The following ZMAT3 variants were observed in gnomAD, a reference collection of about 807,000 sequenced individuals.
ZMAT3 encodes the protein zinc finger matrin-type protein 3.
Under a neutral mutation model 32.3 loss-of-function variants are expected in ZMAT3, and 17 were observed. That is an observed-to-expected ratio of 0.53 (90% CI 0.36 to 0.79). The LOEUF (loss-of-function observed/expected upper bound fraction) is 0.79, where lower values mean the gene tolerates loss of function less well. Ranked by LOEUF, ZMAT3 falls within the 30% of genes least tolerant of loss-of-function variation. The pLI, the probability that ZMAT3 is intolerant of heterozygous loss-of-function variation, is 0.00. For missense variants in ZMAT3, 329 were observed against 359.7 expected (o/e 0.91, Z 0.69); for synonymous variants, 120 against 133.1 (o/e 0.90, Z 0.68).
intron 1 of ZMAT3, among the ~76,000 whole-genome samples, chr3:179,069,371 T>C (rs1198685380): frequency 6.6e-6 from 1 of 152,122 alleles, no homozygotes; most frequent in Non-Finnish European, 1.5e-5. Context: ...ACCCTGAGTG[T>C]CTCAAAATGA....
intron 2 of ZMAT3, among the ~76,000 whole-genome samples, chr3:179,043,366 C>T (rs1720057688): frequency 6.6e-6 from 1 of 152,076 alleles, no homozygotes; most frequent in Admixed American, 6.6e-5. Context: ...GGTACTGGTA[C>T]CAAAACAGAC....
At chr3:179,061,990 G>C (rs1721174112) in intron 2 of ZMAT3, among the ~76,000 whole-genome samples, 1 of 152,074 alleles carries the variant, frequency 6.6e-6, no homozygotes, top group Admixed American at 6.6e-5. Context: ...AAGGAGAAGA[G>C]AATGGAGAGG....
intron 2 of ZMAT3, among the ~76,000 whole-genome samples, chr3:179,038,673 T>C (rs1387897960): frequency 2.6e-5 from 4 of 152,234 alleles, no homozygotes; most frequent in African/African-American, 9.6e-5. Context: ...ATCCGCATTT[T>C]GAACTGAGGT....
At chr3:179,064,234 G>A (rs1407440205) in intron 2 of ZMAT3, among the ~76,000 whole-genome samples, 5 of 152,172 alleles carry the variant, frequency 3.3e-5, no homozygotes, top group African/African-American at 4.8e-5. Flanking sequence ...CAGGCTACCC[G>A]TGACCCATTT....
intron 2 of ZMAT3, among the ~76,000 whole-genome samples, chr3:179,047,938 G>T (rs4401404): frequency 0.61 from 92,886 of 151,808 alleles, 28,574 homozygotes; most frequent in East Asian, 0.8. Flanking sequence ...AATGGAAAAT[G>T]TTCAGTGAAA....
chr3:179,049,144 A>G (rs575636728), intron 2 of ZMAT3, among the ~76,000 whole-genome samples: 1 of 152,330 alleles, frequency 6.6e-6, no homozygotes, highest in African/African-American at 2.4e-5. Context: ...ATATATATGC[A>G]CCTAATACTG....
intron 2 of ZMAT3, among the ~76,000 whole-genome samples, chr3:179,032,465 C>T (rs1453236509): frequency 3.3e-5 from 5 of 151,484 alleles, no homozygotes; most frequent in African/African-American, 1.2e-4. Flanking sequence ...GGCCGCCCAT[C>T]GTCTGGGATG....
At chr3:179,063,876 T>C (rs926483902) in intron 2 of ZMAT3, among the ~76,000 whole-genome samples, 1 of 152,260 alleles carries the variant, frequency 6.6e-6, no homozygotes, top group Non-Finnish European at 1.5e-5. Context: ...AATGATGTTT[T>C]GAAGCCAACT....
chr3:179,062,175 G>A (rs768415154), intron 2 of ZMAT3, among the ~76,000 whole-genome samples: 1 of 152,140 alleles, frequency 6.6e-6, no homozygotes, highest in Non-Finnish European at 1.5e-5. Flanking sequence ...GATTTGGCCT[G>A]TAAGATCATG....
At position 179,024,886 on chromosome 3, in the gene ZMAT3, A is replaced by C; in HGVS notation, c.*131T>G. On this transcript the variant is annotated 3_prime_UTR_variant, in exon 6 of 6. Transcript: ENST00000311417. Reference sequence around the variant, plus strand: ...CCCCCAGGTTTTGACATCTCATGGTACCACTGTGGGTTACATGTATTAACA... The same window carrying C: ...CCCCCAGGTTTTGACATCTCATGGTCCCACTGTGGGTTACATGTATTAACA... 24 of 734,152 alleles carry C rather than the reference A, an allele frequency of 3.3e-5. No individual in the cohort carries two copies. Among genetic ancestry groups the C allele is most frequent in the East Asian group, 6.7e-5 (2 of 29,760 alleles). 45.5% of individuals were successfully genotyped at this position (734,152 alleles called of 1,614,324 possible).
chr3:179,031,040 T>G, intron 2 of ZMAT3, 41 bp from the exon 3 acceptor site: 1 of 1,561,876 alleles, frequency 6.4e-7, no homozygotes, highest in Non-Finnish European at 8.7e-7. Context: ...TCCACCCTTA[T>G]CTGCAGTTTC....
rs1442125709 is a variant in ZMAT3 at position 179,019,609 on chromosome 3, T to A, written c.*5408A>T. 6.6e-6 allele frequency: 1 copy of A among 152,174 alleles called. No individual in the cohort carries two copies. The highest frequency in any genetic ancestry group is 1.9e-4 in the East Asian group (1 of 5,198). 9.4% of individuals were successfully genotyped at this position (152,174 alleles called of 1,614,324 possible). On this transcript the variant is annotated 3_prime_UTR_variant, in exon 6 of 6. Coordinates refer to ENST00000311417, the MANE Select transcript of ZMAT3 (RefSeq NM_022470.4). The stretch of plus-strand genomic sequence containing the variant: ...TCTTGAGAAAATGTTGAGGAACATG[T>A]TAACATTTCTATAATAAAATCAGTC...
intron 2 of ZMAT3, among the ~76,000 whole-genome samples, chr3:179,038,336 T>G (rs1187195842): frequency 6.6e-6 from 1 of 152,156 alleles, no homozygotes; most frequent in African/African-American, 2.4e-5. Flanking sequence ...ATCCCAGCAC[T>G]TTGGGAGGCT....
At position 179,020,323 on chromosome 3, in the gene ZMAT3, A is replaced by T. The variant is rs1212328373; in HGVS notation, c.*4694T>A. 1 of 152,204 alleles carries T rather than the reference A, an allele frequency of 6.6e-6. No individual in the cohort carries two copies. The highest frequency in any genetic ancestry group is 2.4e-5 in the African/African-American group (1 of 41,444). 9.4% of individuals were successfully genotyped at this position (152,204 alleles called of 1,614,324 possible). On this transcript the variant is annotated 3_prime_UTR_variant, in exon 6 of 6. Coordinates refer to ENST00000311417, the MANE Select transcript of ZMAT3 (RefSeq NM_022470.4). ...CCTCCCATTCATAACGGGAAGAAAA[A>T]GTCAAACAGCTATCAGTAGAAGCGT...
At position 179,030,796 on chromosome 3, in the gene ZMAT3, T is replaced by C. The variant is rs927634799; in HGVS notation, c.390+84A>G. ...TCCCAACTGTACCCTAATGGACACA[T>C]GGACGACAAATGTCATCTATAACCA... On this transcript the variant is annotated intron_variant, in intron 3 of 5. Coordinates refer to ENST00000311417, the MANE Select transcript of ZMAT3 (RefSeq NM_022470.4). The C allele has an allele frequency of 6.6e-6, 10 of 1,520,186 alleles. No individual in the cohort carries two copies. The South Asian group carries it at 6.8e-5, about 10-fold the overall frequency. The allele number at this position is 1,520,186 out of a possible 1,614,324, so 94.2% of individuals were successfully genotyped here.
chr3:179,071,398 G>A (rs1215987625), intron 1 of ZMAT3, 197 bp downstream of exon 1: 2 of 152,352 alleles, frequency 1.3e-5, no homozygotes, highest in Non-Finnish European at 2.9e-5. Flanking sequence ...CAACTGAGAG[G>A]GCCAAGGCAG....
intron 3 of ZMAT3, among the ~76,000 whole-genome samples, chr3:179,028,842 T>A (rs1048598356): frequency 2.0e-5 from 3 of 152,096 alleles, no homozygotes; most frequent in Non-Finnish European, 4.4e-5. Context: ...TACAAACTGG[T>A]TAAAAGCAAA....
intron 2 of ZMAT3, among the ~76,000 whole-genome samples, chr3:179,033,420 C>T (rs2108545926): frequency 6.6e-6 from 1 of 152,128 alleles, no homozygotes; most frequent in South Asian, 2.1e-4. Context: ...TATCTGCTGA[C>T]CTTCCCTCCA....
chr3:179,027,576 C>G, intron 4 of ZMAT3, 53 bp from the exon 5 acceptor site: 1 of 1,613,728 alleles, frequency 6.2e-7, no homozygotes, highest in Non-Finnish European at 8.5e-7. Flanking sequence ...GAATCCCTTT[C>G]TACTCTTTTT....
Sources: gnomAD v4.1 joint callset for allele counts (sites outside exome capture counted in the v4.1 genomes callset) on GRCh38, gnomAD v4.1.1 for gene constraint, MANE v1.5 for transcripts, NCBI Gene and HGNC (gene_info 2026-07-23, HGNC 2026-07-21) for gene names.